The following DBF4B variants were observed in gnomAD, a reference collection of about 807,000 sequenced individuals.
DBF4B encodes the protein protein DBF4 homolog B.
A neutral mutation model predicts 53.4 loss-of-function variants in DBF4B; 49 were observed. The observed-to-expected ratio is 0.92, with a 90% CI of 0.73 to 1.16. The LOEUF is 1.16. Among genes scored for constraint, DBF4B ranks in the 50% most tolerant of loss-of-function variants. The pLI is 0.00. For synonymous variants in DBF4B, 257 were observed against 288.7 expected (o/e 0.89, Z 1.11); for missense variants, 692 against 775.0 (o/e 0.89, Z 1.27).
intron 5 of DBF4B, 29 bp from the exon 6 acceptor site, chr17:44,732,149 T>A: frequency 6.2e-7 from 1 of 1,612,532 alleles, no homozygotes; most frequent in South Asian, 1.1e-5. Context: ...GAGTCTCTGC[T>A]CCTACCTGAC....
intron 8 of DBF4B, among the ~76,000 whole-genome samples, chr17:44,737,198 G>A (rs1568187555): frequency 6.6e-6 from 1 of 152,140 alleles, no homozygotes; most frequent in Non-Finnish European, 1.5e-5. Flanking sequence ...GTTTGGGGGT[G>A]GGCAGTTTGA....
rs538612675 is a variant in DBF4B, at chr17:44,721,201, T to C, written c.83-1679T>C. ...AATACTATGTTTTTCATGTCCATTA[T>C]CTCCAACTAATTCTTCCCCCCCCCT... is the stretch of plus-strand genomic sequence containing the variant. On this transcript the variant is annotated intron_variant, in intron 2 of 13. Transcript: ENST00000315005. 1.6e-3 allele frequency among the ~76,000 whole-genome samples: 241 copies of C among 148,442 alleles called. 1 individual carries two copies. Among genetic ancestry groups the C allele is most frequent in the Non-Finnish European group, 2.9e-3 (198 of 67,454 alleles).
chr17:44,736,662 G>A lies in DBF4B; in HGVS notation c.631-168G>A, dbSNP rs1261856876. Among the ~76,000 whole-genome samples the A allele has an allele frequency of 5.3e-5, 8 of 152,108 alleles. No individual in the cohort carries two copies. In the East Asian group the frequency reaches 5.8e-4, roughly 11 times the overall value. ...TCATCGTGTTGCCGAAGAGGGAGCCGTTGTGCCCAGGTCTGCTCCAGCTCA... is the reference window on the plus strand; with the variant it reads ...TCATCGTGTTGCCGAAGAGGGAGCCATTGTGCCCAGGTCTGCTCCAGCTCA... On this transcript the variant is annotated intron_variant, in intron 7 of 13. Coordinates refer to ENST00000315005, the MANE Select transcript of DBF4B (RefSeq NM_145663.3).
In DBF4B at chr17:44,730,008, C is replaced by T. The variant is rs757573915; in HGVS notation, c.329C>T (p.Pro110Leu). ...AAAAGCCATAGAGGCTGCCCTAGCC[C>T]TAGCCCCAGTGAGGTCAGAGTGGAA... ...SGKSHRGCPS[P>L]SPSEVRVETS... is the part of the protein sequence containing the mutation. Residue 110 changes from proline (P) to leucine (L), a missense_variant, in exon 4 of 14, where the codon CCT (proline) becomes CTT (leucine). By Grantham distance (98) the Pro-to-Leu change is moderately conservative. Around this residue, in one of 3 missense-constraint regions of DBF4B, gnomAD observed 597 missense variants for 665.8 expected, o/e 0.90. Coordinates refer to ENST00000315005, the MANE Select transcript of DBF4B (RefSeq NM_145663.3). The T allele has an allele frequency of 5.0e-6, 8 of 1,613,660 alleles. No homozygotes were observed. The highest frequency in any genetic ancestry group is 1.3e-5 in the African/African-American group (1 of 74,898).
rs755338770 is a variant in DBF4B at position 44,736,824 on chromosome 17, AT to A, written c.631-3del. 5 of 1,613,682 alleles carry A rather than the reference AT, an allele frequency of 3.1e-6. No homozygotes were observed. The South Asian group carries it at 5.5e-5, about 18-fold the overall frequency. On this transcript the variant is annotated splice_region_variant and splice_polypyrimidine_tract_variant and intron_variant, in intron 7 of 13. Coordinates refer to ENST00000315005, the MANE Select transcript of DBF4B (RefSeq NM_145663.3). ...CATCCTTAACCTATTTTTCCTTTCC[AT>A]TTAGGGAACATGTCCAGCAGCAGAG...
In DBF4B at chr17:44,749,570, G is replaced by C; in HGVS notation, c.1190-1025G>C. 1 of 1,205,212 alleles carries C rather than the reference G, an allele frequency of 8.3e-7. No homozygotes were observed. Among genetic ancestry groups the C allele is most frequent in the Non-Finnish European group, 1.1e-6 (1 of 949,008 alleles). The allele number at this position is 1,205,212 out of a possible 1,614,324, so 74.7% of individuals were successfully genotyped here. On this transcript the variant is annotated intron_variant, in intron 13 of 13. Coordinates refer to ENST00000315005, the MANE Select transcript of DBF4B (RefSeq NM_145663.3). This position sits in a 1 kb window ranked among gnomAD's most constrained non-coding sequence, Gnocchi z 4.4. ...TCCCACTGGCCAGGTCTTTGGGAGA[G>C]AATCTGGGCTGGGGGCTGCCCTCTC...
intron 2 of DBF4B, chr17:44,719,947 T>C: frequency 5.0e-6 from 1 of 200,156 alleles, no homozygotes; most frequent in South Asian, 1.1e-4. Flanking sequence ...TTCCTGGTGT[T>C]TAGGCTTCCA....
In DBF4B at chr17:44,727,864, A is replaced by ATTTTC. The variant is rs1568175162; in HGVS notation, c.226-2037_226-2036insCTTTT. ...AGGTGCCTGCCACCATGCCCGGGTA[A>ATTTTC]TTTTTTTTTTTTTTTTTTTTTTTTT... is the stretch of plus-strand genomic sequence containing the variant. On this transcript the variant is annotated intron_variant, in intron 3 of 13. Transcript: ENST00000315005. Among the ~76,000 whole-genome samples, 5 of 106,730 alleles carry ATTTTC rather than the reference A, an allele frequency of 4.7e-5. 1 individual carries two copies. Among genetic ancestry groups the ATTTTC allele is most frequent in the Non-Finnish European group, 7.4e-5 (4 of 53,970 alleles). 70.0% of individuals were successfully genotyped at this position (106,730 alleles called of 152,430 possible). A position where few individuals can be genotyped will look rare whatever the true frequency, so the allele number is the denominator to read the frequency against.
intron 10 of DBF4B, among the ~76,000 whole-genome samples, chr17:44,743,429 G>C (rs886771266): frequency 1.3e-5 from 2 of 152,114 alleles, no homozygotes; most frequent in African/African-American, 4.8e-5. Flanking sequence ...AATGTGAAAA[G>C]TCTATATTCC....
At chr17:44,745,107 T>A (rs1976469644) in intron 10 of DBF4B, among the ~76,000 whole-genome samples, 1 of 152,116 alleles carries the variant, frequency 6.6e-6, no homozygotes, top group Non-Finnish European at 1.5e-5. Context: ...AATTTTTATA[T>A]TTTTTGTAGA....
rs1232269696 is a variant in DBF4B at position 44,749,945 on chromosome 17, T to G, written c.1190-650T>G. ...GAACATATGAAGCAGAGGAGGGGCT[T>G]GGGCTGCACCACTCACAGAGCTCCC... On this transcript the variant is annotated intron_variant, in intron 13 of 13. Transcript: ENST00000315005. This position sits in a 1 kb window ranked among gnomAD's most constrained non-coding sequence, Gnocchi z 4.4. The G allele has an allele frequency of 3.0e-5, 30 of 1,013,460 alleles. No homozygotes were observed. Among genetic ancestry groups the G allele is most frequent in the Non-Finnish European group, 3.4e-5 (29 of 846,134 alleles). The allele number at this position is 1,013,460 out of a possible 1,614,324, so 62.8% of individuals were successfully genotyped here. A position where few individuals can be genotyped will look rare whatever the true frequency, so the allele number is the denominator to read the frequency against.
intron 10 of DBF4B, among the ~76,000 whole-genome samples, chr17:44,744,284 A>G (rs1976393584): frequency 6.6e-6 from 1 of 151,928 alleles, no homozygotes; most frequent in Non-Finnish European, 1.5e-5. Context: ...TGGTGGTGCA[A>G]GCCTGTAGTC....
At chr17:44,741,240 T>A (rs926692844) in intron 9 of DBF4B, 96 bp from the exon 10 acceptor site, 22 of 867,768 alleles carry the variant, frequency 2.5e-5, no homozygotes, top group Non-Finnish European at 4.3e-5. Context: ...GAGAGTCCAC[T>A]TTATCAGGGC....
chr17:44,716,964 T>C (rs2144788281), intron 2 of DBF4B, among the ~76,000 whole-genome samples: 1 of 152,318 alleles, frequency 6.6e-6, no homozygotes, highest in Admixed American at 6.5e-5. Flanking sequence ...CTCTTGCCTG[T>C]TGTCTTCTTG....
chr17:44,715,144 C>G (rs1973216232), intron 2 of DBF4B, among the ~76,000 whole-genome samples: 1 of 151,924 alleles, frequency 6.6e-6, no homozygotes, highest in South Asian at 2.1e-4. Context: ...CTTTCTGGAA[C>G]TTTTATTGTT....
At chr17:44,716,660 A>G (rs1409933429) in intron 2 of DBF4B, among the ~76,000 whole-genome samples, 1 of 152,194 alleles carries the variant, frequency 6.6e-6, no homozygotes, top group Non-Finnish European at 1.5e-5. Flanking sequence ...AAACATTTCC[A>G]GAGGTTGCCA....
intron 4 of DBF4B, among the ~76,000 whole-genome samples, 184 bp from the exon 5 acceptor site, chr17:44,730,781 G>A (rs1171352148): frequency 2.0e-5 from 3 of 152,124 alleles, no homozygotes; most frequent in Non-Finnish European, 4.4e-5. Context: ...AATTTCCTGT[G>A]GCTTTACCTT....
chr17:44,716,510 C>G (rs890865686), intron 2 of DBF4B, among the ~76,000 whole-genome samples: 4 of 152,090 alleles, frequency 2.6e-5, no homozygotes, highest in South Asian at 2.1e-4. Context: ...TTTTTTCAGC[C>G]CCAAGACTAT....
At chr17:44,737,265 T>C (rs1031558838) in intron 8 of DBF4B, among the ~76,000 whole-genome samples, 2 of 152,186 alleles carry the variant, frequency 1.3e-5, no homozygotes, top group South Asian at 4.1e-4. Flanking sequence ...AACTGGCAGA[T>C]TGATGGACTC....
Sources: allele counts gnomAD v4.1 joint callset (sites outside exome capture counted in the v4.1 genomes callset), GRCh38; gene constraint gnomAD v4.1.1; regional missense constraint gnomAD v4.1.1; non-coding constraint Gnocchi (gnomAD v3.1); transcripts MANE v1.5; gene names NCBI Gene and HGNC (gene_info 2026-07-23, HGNC 2026-07-21).